The following SAR1A variants were observed in gnomAD, a reference collection of about 807,000 sequenced individuals.
SAR1A encodes the protein small COPII coat GTPase SAR1A.
In SAR1A, 6 loss-of-function variants were observed where a neutral mutation model predicts 22.6. The ratio of observed to expected loss-of-function variants is 0.27; its 90% confidence interval spans 0.15 to 0.52. The LOEUF (loss-of-function observed/expected upper bound fraction) is 0.52, where lower values mean the gene tolerates loss of function less well. SAR1A is among the 20% of genes least tolerant of loss of function. SAR1A has a pLI of 0.96. For missense variants in SAR1A, 145 were observed against 245.1 expected, an observed-to-expected ratio of 0.59 and a Z score of 2.73; for synonymous variants, 70 against 82.2, an observed-to-expected ratio of 0.85 and a Z score of 0.80.
In SAR1A at chr10:70,152,202, C is replaced by T. The variant is rs751606845; in HGVS notation, c.*274G>A. 2.0e-6 allele frequency: 1 copy of T among 512,080 alleles called. No individual in the cohort carries two copies. The highest frequency in any genetic ancestry group is 3.5e-6 in the Non-Finnish European group (1 of 289,256). 31.7% of individuals were successfully genotyped at this position (512,080 alleles called of 1,614,324 possible). ...GACGTGTTTTTCTTTTCAGGTGCCC[C>T]ATGATGGCATACAGCTTTACCCGGC... is the stretch of plus-strand genomic sequence containing the variant. On this transcript the variant is annotated 3_prime_UTR_variant, in exon 7 of 7. Coordinates refer to ENST00000373241, the MANE Select transcript of SAR1A (RefSeq NM_020150.5).
intron 5 of SAR1A, among the ~76,000 whole-genome samples, chr10:70,157,283 A>G (rs753317630): frequency 3.3e-4 from 50 of 152,040 alleles, no homozygotes; most frequent in Non-Finnish European, 7.2e-4. Context: ...ACGTGCCTGT[A>G]GTCCCAGCTA....
chr10:70,163,390 T>TA (rs1839501962), intron 1 of SAR1A, among the ~76,000 whole-genome samples: 1 of 152,208 alleles, frequency 6.6e-6, no homozygotes, highest in African/African-American at 2.4e-5. Flanking sequence ...TCTAGGACTT[T>TA]CATAGCTAGA....
intron 4 of SAR1A, among the ~76,000 whole-genome samples, chr10:70,158,954 C>T (rs1839430853): frequency 6.6e-6 from 1 of 152,176 alleles, no homozygotes; most frequent in African/African-American, 2.4e-5. Context: ...AAACAATCTA[C>T]AATTCCCAGT....
chr10:70,161,516 G>T, intron 3 of SAR1A, 103 bp downstream of exon 3: 1 of 1,401,786 alleles, frequency 7.1e-7, no homozygotes. Flanking sequence ...GTTGGCTTTT[G>T]GGACTTCAGT....
At chr10:70,165,286 G>T (rs544848671) in intron 1 of SAR1A, among the ~76,000 whole-genome samples, 1,307 of 116,780 alleles carry the variant, frequency 0.011, 22 homozygotes, top group African/African-American at 0.038. Context: ...AAAAAAAAAA[G>T]AAATATATTT....
chr10:70,161,851 G>A lies in SAR1A; in HGVS notation c.58+7C>T. ...TTGAAACCTGTATTTCAAGGAAATG[G>A]CTTTACCTAGGAACTGGAGCACACT... On this transcript the variant is annotated splice_region_variant and intron_variant, in intron 2 of 6. Coordinates refer to ENST00000373241, the MANE Select transcript of SAR1A (RefSeq NM_020150.5). 1 of 1,613,410 alleles carries A rather than the reference G, an allele frequency of 6.2e-7. No individual in the cohort carries two copies. The highest frequency in any genetic ancestry group is 8.5e-7 in the Non-Finnish European group (1 of 1,179,688).
intron 1 of SAR1A, among the ~76,000 whole-genome samples, chr10:70,170,162 C>G (rs1038631817): frequency 2.0e-5 from 3 of 152,118 alleles, no homozygotes; most frequent in African/African-American, 7.2e-5. Context: ...TGTTATCCGG[C>G]CCAGCAGCTG....
intron 4 of SAR1A, among the ~76,000 whole-genome samples, chr10:70,159,039 CT>C (rs1388686782): frequency 6.6e-6 from 1 of 152,152 alleles, no homozygotes; most frequent in Non-Finnish European, 1.5e-5. Context: ...TTATCTTGCT[CT>C]GAATTTAAAT....
intron 5 of SAR1A, among the ~76,000 whole-genome samples, chr10:70,157,181 G>A (rs964454343): frequency 1.3e-5 from 2 of 152,264 alleles, no homozygotes; most frequent in African/African-American, 2.4e-5. Context: ...AAGGCGGGTG[G>A]ATCATGAGGT....
chr10:70,161,126 C>T, intron 3 of SAR1A, 57 bp from the exon 4 acceptor site: 1 of 1,241,950 alleles, frequency 8.1e-7, no homozygotes, highest in South Asian at 1.2e-5. Context: ...CCCCCAACTA[C>T]TAGTACTATA....
At chr10:70,157,697 A>G in intron 5 of SAR1A, 67 bp downstream of exon 5, 4 of 1,026,344 alleles carry the variant, frequency 3.9e-6, no homozygotes, top group Non-Finnish European at 4.3e-6. Flanking sequence ...TATATTCCTT[A>G]AAAAAAAATA....
intron 6 of SAR1A, among the ~76,000 whole-genome samples, chr10:70,153,434 T>C (rs1015727236): frequency 1.3e-5 from 2 of 152,216 alleles, no homozygotes; most frequent in South Asian, 2.1e-4. Context: ...GCAATGAGGA[T>C]AATCAAGTGC....
In SAR1A at chr10:70,150,907, C is replaced by T. The variant is rs15801; in HGVS notation, c.*1569G>A. On this transcript the variant is annotated 3_prime_UTR_variant, in exon 7 of 7. Transcript: ENST00000373241. ...ACTCCAACTAAAGAACAATGCCTCC[C>T]TCACCCCAGTAATGTTATCCACATT... The T allele has an allele frequency of 0.36, 55,467 of 152,136 alleles. 10,677 individuals are homozygous for T. Among genetic ancestry groups the T allele is most frequent in the Non-Finnish European group, 0.4 (27,377 of 67,942 alleles). 9.4% of individuals were successfully genotyped at this position (152,136 alleles called of 1,614,324 possible). A position where few individuals can be genotyped will look rare whatever the true frequency, so the allele number is the denominator to read the frequency against.
At chr10:70,167,368 A>C (rs1042200357) in intron 1 of SAR1A, 1 of 152,072 alleles carries the variant, frequency 6.6e-6, no homozygotes, top group African/African-American at 2.4e-5. Context: ...CTGCATTCAA[A>C]ATTTTCATGA....
rs1460656231 is a variant in SAR1A, at chr10:70,147,618, TCTTTG to T, written c.*4853_*4857del. On this transcript the variant is annotated 3_prime_UTR_variant, in exon 7 of 7. Transcript: ENST00000373241. ...AACCATTTAAATATGTAAAAACCTT[TCTTTG>T]CTCACAGGCCATACAAACACAGGCA... The T allele has an allele frequency of 1.3e-5, 2 of 152,240 alleles. No homozygotes were observed. The highest frequency in any genetic ancestry group is 2.9e-5 in the Non-Finnish European group (2 of 68,038). 9.4% of individuals were successfully genotyped at this position (152,240 alleles called of 1,614,324 possible).
chr10:70,153,128 G>A (rs181289461), intron 6 of SAR1A, among the ~76,000 whole-genome samples: 150 of 152,308 alleles, frequency 9.8e-4, no homozygotes, highest in Non-Finnish European at 1.7e-3. Flanking sequence ...ATGTAAAAAA[G>A]TCAGAAAGTT....
chr10:70,161,906 T>C lies in SAR1A; in HGVS notation c.10A>G (p.Ile4Val), dbSNP rs1333464077. The change falls in exon 2 of 7, where the codon ATC becomes GTC. Residue 4 changes from isoleucine (I) to valine (V), a missense_variant. Around this residue, in one of 3 missense-constraint regions of SAR1A, gnomAD observed 22 missense variants for 24.8 expected, o/e 0.89. Coordinates refer to ENST00000373241, the MANE Select transcript of SAR1A (RefSeq NM_020150.5). MSF[I>V]FEWIYNGFSS... ...AAGCCATTGTAGATCCACTCAAAGA[T>C]GAAAGACATTATTAATGCTTACTAC... The C allele has an allele frequency of 1.9e-6, 3 of 1,611,834 alleles. No individual in the cohort carries two copies. Among genetic ancestry groups the C allele is most frequent in the Non-Finnish European group, 1.7e-6 (2 of 1,179,110 alleles).
rs183339281 is a variant in SAR1A, at chr10:70,150,787, C to T, written c.*1689G>A. The T allele has an allele frequency of 1.6e-4, 24 of 152,628 alleles. No individual in the cohort carries two copies. The highest frequency in any genetic ancestry group is 5.8e-4 in the African/African-American group (24 of 41,572). 9.5% of individuals were successfully genotyped at this position (152,628 alleles called of 1,614,324 possible). On this transcript the variant is annotated 3_prime_UTR_variant, in exon 7 of 7. Coordinates refer to ENST00000373241, the MANE Select transcript of SAR1A (RefSeq NM_020150.5). ...GCTAATAAACGAAATGCATGCACTTCCCACATATATACTTCACTGAGCCTC... is the reference window on the plus strand; with the variant it reads ...GCTAATAAACGAAATGCATGCACTTTCCACATATATACTTCACTGAGCCTC...
In SAR1A at chr10:70,152,259, T is replaced by G; in HGVS notation, c.*217A>C. On this transcript the variant is annotated 3_prime_UTR_variant, in exon 7 of 7. Transcript: ENST00000373241. ...TGCCAGCTTCCAAGTCCCAGGATAC[T>G]GACCTGCACCAGCACGTGGGGCAGC... The G allele has an allele frequency of 3.1e-6, 3 of 958,388 alleles. No homozygotes were observed. Among genetic ancestry groups the G allele is most frequent in the Non-Finnish European group, 4.6e-6 (3 of 647,280 alleles). The allele number at this position is 958,388 out of a possible 1,614,324, so 59.4% of individuals were successfully genotyped here. A position where few individuals can be genotyped will look rare whatever the true frequency, so the allele number is the denominator to read the frequency against.
Sources: allele counts gnomAD v4.1 joint callset (sites outside exome capture counted in the v4.1 genomes callset), GRCh38; gene constraint gnomAD v4.1.1; regional missense constraint gnomAD v4.1.1; transcripts MANE v1.5; gene names NCBI Gene and HGNC (gene_info 2026-07-23, HGNC 2026-07-21).